Variants in LRRIQ3 observed in about 807,000 individuals in gnomAD.
The protein encoded by LRRIQ3 is leucine rich repeats and IQ motif containing 3.
Under a neutral mutation model 59.3 loss-of-function variants are expected in LRRIQ3, and 75 were observed. The observed-to-expected ratio is 1.26, with a 90% CI of 1.05 to 1.53. The LOEUF (loss-of-function observed/expected upper bound fraction) is 1.53. LRRIQ3 is among the 40% of genes most tolerant of loss of function. The pLI is 0.00. For synonymous variants in LRRIQ3, 250 were observed against 231.3 expected (o/e 1.08, Z -0.73); for missense variants, 831 against 710.0 (o/e 1.17, Z -1.94).
chr1:74,174,692 C>T (rs986521309), intron 3 of LRRIQ3, among the ~76,000 whole-genome samples: 1 of 151,986 alleles, frequency 6.6e-6, no homozygotes, highest in Non-Finnish European at 1.5e-5. Flanking sequence ...CTGCACCCAG[C>T]CTACAACTTC....
chr1:74,187,608 G>A (rs1272462365), intron 1 of LRRIQ3, among the ~76,000 whole-genome samples: 2 of 152,016 alleles, frequency 1.3e-5, no homozygotes, highest in African/African-American at 4.8e-5. Flanking sequence ...GGGTCACGAG[G>A]TATAGAAGAC....
intron 7 of LRRIQ3, among the ~76,000 whole-genome samples, chr1:74,027,618 T>C (rs1653558515): frequency 6.6e-6 from 1 of 152,078 alleles, no homozygotes; most frequent in African/African-American, 2.4e-5. Context: ...AATAAATTAC[T>C]GTTTAAGCCA....
At chr1:74,126,673 G>T (rs921400634) in intron 4 of LRRIQ3, among the ~76,000 whole-genome samples, 2 of 151,490 alleles carry the variant, frequency 1.3e-5, no homozygotes, top group South Asian at 4.2e-4. Flanking sequence ...AAATTCCTCT[G>T]GTTGATTTCT....
chr1:74,189,689 T>A (rs1318877645), intron 1 of LRRIQ3, among the ~76,000 whole-genome samples: 1 of 152,094 alleles, frequency 6.6e-6, no homozygotes, highest in Non-Finnish European at 1.5e-5. Flanking sequence ...TGGTAGTGAA[T>A]AAGTCTCATG....
At chr1:74,077,693 C>A (rs1428471764) in intron 5 of LRRIQ3, among the ~76,000 whole-genome samples, 2 of 151,742 alleles carry the variant, frequency 1.3e-5, no homozygotes, top group African/African-American at 4.8e-5. Flanking sequence ...GAATTCATGA[C>A]AAAGGGTACA....
chr1:74,157,658 C>G (rs1233642272), intron 3 of LRRIQ3, among the ~76,000 whole-genome samples: 1 of 151,970 alleles, frequency 6.6e-6, no homozygotes, highest in Non-Finnish European at 1.5e-5. Context: ...AAACACTTGC[C>G]TTAGATTCTG....
At chr1:74,100,511 C>T (rs1646514669) in intron 5 of LRRIQ3, among the ~76,000 whole-genome samples, 1 of 152,100 alleles carries the variant, frequency 6.6e-6, no homozygotes, top group Non-Finnish European at 1.5e-5. Context: ...CAATGCCATC[C>T]CCATAAAGCT....
intron 4 of LRRIQ3, among the ~76,000 whole-genome samples, chr1:74,134,698 G>A (rs1213078435): frequency 6.6e-6 from 1 of 151,686 alleles, no homozygotes; most frequent in Non-Finnish European, 1.5e-5. Context: ...GAAGTAAAAT[G>A]TGATAAGATA....
intron 6 of LRRIQ3, among the ~76,000 whole-genome samples, chr1:74,061,020 G>T (rs972165951): frequency 7.9e-5 from 12 of 152,052 alleles, no homozygotes; most frequent in African/African-American, 2.9e-4. Flanking sequence ...CACTTGAGCT[G>T]GCAGGGAAAG....
At chr1:74,156,341 A>G (rs1648326964) in intron 3 of LRRIQ3, among the ~76,000 whole-genome samples, 1 of 152,156 alleles carries the variant, frequency 6.6e-6, no homozygotes. Flanking sequence ...ATGAGCCAAA[A>G]TAAACCTCTT....
intron 1 of LRRIQ3, among the ~76,000 whole-genome samples, chr1:74,193,875 A>C (rs1341725534): frequency 6.6e-6 from 1 of 152,176 alleles, no homozygotes; most frequent in Admixed American, 6.5e-5. Flanking sequence ...AAGAATAAAA[A>C]GTCTTAGTTT....
intron 5 of LRRIQ3, among the ~76,000 whole-genome samples, chr1:74,080,068 TCA>T (rs368547927): frequency 1.0e-3 from 152 of 151,766 alleles, no homozygotes; most frequent in African/African-American, 3.6e-3. Flanking sequence ...TCTGAATTTG[TCA>T]CACACACAAA....
At chr1:74,100,162 C>T (rs550174906) in intron 5 of LRRIQ3, among the ~76,000 whole-genome samples, 2 of 152,112 alleles carry the variant, frequency 1.3e-5, no homozygotes, top group South Asian at 2.1e-4. Flanking sequence ...AAAACCCCAT[C>T]GTCTCAGCCC....
chr1:74,173,749 T>A (rs1410991410), intron 3 of LRRIQ3, among the ~76,000 whole-genome samples: 1 of 152,084 alleles, frequency 6.6e-6, no homozygotes, highest in East Asian at 1.9e-4. Flanking sequence ...ATAAAATAAA[T>A]TTTGTTTCAA....
chr1:74,074,617 C>T, intron 6 of LRRIQ3, 44 bp downstream of exon 6: 1 of 923,886 alleles, frequency 1.1e-6, no homozygotes, highest in Non-Finnish European at 1.5e-6. Flanking sequence ...TACTCTTCAT[C>T]AAAATATATT....
At chr1:74,175,158 AG>A (rs1649562573) in intron 3 of LRRIQ3, among the ~76,000 whole-genome samples, 1 of 152,204 alleles carries the variant, frequency 6.6e-6, no homozygotes, top group African/African-American at 2.4e-5. Context: ...CTCTGAAGTC[AG>A]ATGAGGCCGA....
At chr1:74,029,841 G>A (rs1032030678) in intron 7 of LRRIQ3, among the ~76,000 whole-genome samples, 4 of 151,898 alleles carry the variant, frequency 2.6e-5, no homozygotes, top group African/African-American at 4.8e-5. Flanking sequence ...ACTTTTTTTG[G>A]TTGGTAAGCT....
intron 5 of LRRIQ3, among the ~76,000 whole-genome samples, chr1:74,097,429 T>C (rs190306452): frequency 1.1e-3 from 163 of 152,220 alleles, no homozygotes; most frequent in African/African-American, 3.8e-3. Flanking sequence ...CTACGTCTCA[T>C]TGGTGTACCT....
intron 5 of LRRIQ3, among the ~76,000 whole-genome samples, chr1:74,076,360 A>G (rs1237402738): frequency 1.3e-5 from 2 of 152,154 alleles, no homozygotes; most frequent in African/African-American, 4.8e-5. Context: ...TAACTCATTT[A>G]ATAATCAAAA....
Sources: allele counts gnomAD v4.1 joint callset (sites outside exome capture counted in the v4.1 genomes callset), GRCh38; gene constraint gnomAD v4.1.1; transcripts MANE v1.5; gene names NCBI Gene and HGNC (gene_info 2026-07-23, HGNC 2026-07-21).